The following HIP1 variants were observed in gnomAD, a reference collection of about 807,000 sequenced individuals.
HIP1 encodes the protein huntingtin-interacting protein 1.
In HIP1, 65 loss-of-function variants were observed where a neutral mutation model predicts 147.6. That is an observed-to-expected ratio of 0.44 (90% confidence interval 0.36 to 0.54). The LOEUF (loss-of-function observed/expected upper bound fraction) is 0.54. Ranked by LOEUF, HIP1 falls within the 20% of genes least tolerant of loss-of-function variation. The pLI is 0.00. For synonymous variants in HIP1, 479 were observed against 504.0 expected (o/e 0.95, Z 0.67); for missense variants, 1,061 against 1,299.6 (o/e 0.82, Z 2.82).
intron 1 of HIP1, among the ~76,000 whole-genome samples, chr7:75,708,666 T>C (rs1801074007): frequency 6.6e-6 from 1 of 152,156 alleles, no homozygotes; most frequent in Admixed American, 6.6e-5. Flanking sequence ...TAATCATATA[T>C]TGAGGAGAGT....
chr7:75,592,334 C>A, intron 3 of HIP1, 38 bp downstream of exon 3: 1 of 1,579,676 alleles, frequency 6.3e-7, no homozygotes, highest in East Asian at 2.2e-5. Flanking sequence ...CCACAAGGAT[C>A]CCTGGCTCCC....
intron 1 of HIP1, 142 bp from the exon 2 acceptor site, chr7:75,599,389 G>A: frequency 1.5e-6 from 1 of 659,608 alleles, no homozygotes; most frequent in East Asian, 2.7e-5. Flanking sequence ...TCCTCTGCAG[G>A]CGCCCAGCTG....
At chr7:75,727,083 C>T (rs924156571) in intron 1 of HIP1, among the ~76,000 whole-genome samples, 1 of 151,912 alleles carries the variant, frequency 6.6e-6, no homozygotes, top group African/African-American at 2.4e-5. Flanking sequence ...TAAGTATCTC[C>T]TGCTTATTTT....
intron 16 of HIP1, 115 bp from the exon 17 acceptor site, chr7:75,556,926 A>C (rs587666159): frequency 3.1e-6 from 2 of 642,542 alleles, no homozygotes; most frequent in East Asian, 5.4e-5. Flanking sequence ...ACTGTATGTA[A>C]GTTACACCCC....
Position 75,534,070 on chromosome 7 carries a change from C to T in HIP1, c.*4102G>A. On this transcript the variant is annotated 3_prime_UTR_variant, in exon 31 of 31. Transcript: ENST00000336926. The stretch of plus-strand genomic sequence containing the variant: ...AGGGTCAAATGGAGCCAGGAGACCC[C>T]TCTAGACTAAGGAGCTAAGAGGGAA... 1 of 231,872 alleles carries T rather than the reference C, an allele frequency of 4.3e-6. No homozygotes were observed. The highest frequency in any genetic ancestry group is 5.6e-5 in the Admixed American group (1 of 17,760). The allele number at this position is 231,872 out of a possible 1,614,324, so 14.4% of individuals were successfully genotyped here. A position where few individuals can be genotyped will look rare whatever the true frequency, so the allele number is the denominator to read the frequency against.
chr7:75,668,381 A>G (rs1227858013), intron 1 of HIP1, among the ~76,000 whole-genome samples: 2 of 152,028 alleles, frequency 1.3e-5, no homozygotes, highest in Admixed American at 6.6e-5. Flanking sequence ...CTGGAGTGCA[A>G]TGGTGCCATC....
rs111797133 is a variant in HIP1, at chr7:75,727,032, C to G, written c.120+11769G>C. On this transcript the variant is annotated intron_variant, in intron 1 of 30. Coordinates refer to ENST00000336926, the MANE Select transcript of HIP1 (RefSeq NM_005338.7). ...CCTGATTGCTAATGAAGCTGCACAC[C>G]ATTTCATAAGTTTATTGGCCATTTG... Among the ~76,000 whole-genome samples, 544 of 151,980 alleles carry G rather than the reference C, an allele frequency of 3.6e-3. 4 individuals are homozygous for G. Among genetic ancestry groups the G allele is most frequent in the African/African-American group, 0.012 (502 of 41,468 alleles).
chr7:75,576,654 A>G (rs1795855799), intron 7 of HIP1, among the ~76,000 whole-genome samples: 1 of 152,104 alleles, frequency 6.6e-6, no homozygotes, highest in Admixed American at 6.6e-5. Flanking sequence ...GGCTGCAGTG[A>G]GCCAAGATCC....
intron 1 of HIP1, among the ~76,000 whole-genome samples, chr7:75,599,707 C>T (rs964367537): frequency 1.3e-5 from 2 of 152,118 alleles, no homozygotes; most frequent in Admixed American, 6.5e-5. Context: ...CCAGCACCGG[C>T]GGTGGTCACT....
chr7:75,640,170 T>C (rs1262273425), intron 1 of HIP1, among the ~76,000 whole-genome samples: 4 of 152,214 alleles, frequency 2.6e-5, no homozygotes, highest in Admixed American at 6.5e-5. Context: ...CATTCAAGCC[T>C]ATAGTTTCAA....
chr7:75,655,922 C>T (rs1361795926), intron 1 of HIP1, among the ~76,000 whole-genome samples: 3 of 152,070 alleles, frequency 2.0e-5, no homozygotes, highest in Non-Finnish European at 4.4e-5. Flanking sequence ...GAGTTTGAGC[C>T]TGGCCAACTT....
At chr7:75,581,521 G>T (rs1198102707) in intron 6 of HIP1, among the ~76,000 whole-genome samples, 1 of 152,236 alleles carries the variant, frequency 6.6e-6, no homozygotes, top group African/African-American at 2.4e-5. Context: ...GCTCACGCCT[G>T]TAATCCCAGC....
At position 75,556,697 on chromosome 7, in the gene HIP1, A is replaced by T; in HGVS notation, c.1683+13T>A. The T allele has an allele frequency of 2.6e-6, 4 of 1,514,990 alleles. No individual in the cohort carries two copies. The highest frequency in any genetic ancestry group is 1.8e-5 in the Admixed American group (1 of 56,404). The allele number at this position is 1,514,990 out of a possible 1,614,324, so 93.8% of individuals were successfully genotyped here. A position where few individuals can be genotyped will look rare whatever the true frequency, so the allele number is the denominator to read the frequency against. On this transcript the variant is annotated intron_variant, in intron 17 of 30. Transcript: ENST00000336926. Reference sequence around the variant, plus strand: ...GAAGACTCTATCTCCAAAAAAAAAAAGGAGGTATTTACCTGGGCAGAAGTT... The same window carrying T: ...GAAGACTCTATCTCCAAAAAAAAAATGGAGGTATTTACCTGGGCAGAAGTT...
intron 1 of HIP1, among the ~76,000 whole-genome samples, chr7:75,613,837 A>G (rs1797531378): frequency 1.3e-5 from 2 of 151,512 alleles, no homozygotes; most frequent in Admixed American, 1.3e-4. Flanking sequence ...GCAATCTCCC[A>G]TCTCAGCCTC....
chr7:75,690,472 G>A (rs1186404053), intron 1 of HIP1, among the ~76,000 whole-genome samples: 2 of 152,202 alleles, frequency 1.3e-5, no homozygotes, highest in Admixed American at 1.3e-4. Flanking sequence ...AATAACAGGT[G>A]TTGGCAAGAA....
chr7:75,694,959 T>C (rs2117308624), intron 1 of HIP1, among the ~76,000 whole-genome samples: 1 of 152,314 alleles, frequency 6.6e-6, no homozygotes, highest in Non-Finnish European at 1.5e-5. Flanking sequence ...TATGAGGCAC[T>C]GTCCTCTTGA....
At chr7:75,734,233 G>T (rs746097619) in intron 1 of HIP1, among the ~76,000 whole-genome samples, 40 of 150,946 alleles carry the variant, frequency 2.6e-4, no homozygotes, top group Non-Finnish European at 5.6e-4. Context: ...GCAACAGAGT[G>T]AGACTCTGTC....
At chr7:75,592,593 G>A (rs1796537941) in intron 2 of HIP1, 79 bp from the exon 3 acceptor site, 2 of 1,467,196 alleles carry the variant, frequency 1.4e-6, no homozygotes, top group Non-Finnish European at 1.8e-6. Flanking sequence ...AGCCACTGCA[G>A]GGGACTGAGC....
chr7:75,653,477 A>AC (rs1426185121), intron 1 of HIP1, among the ~76,000 whole-genome samples: 9 of 151,606 alleles, frequency 5.9e-5, no homozygotes, highest in African/African-American at 1.9e-4. Flanking sequence ...ACATAGTGAG[A>AC]CCCCCATCTC....
Sources: allele counts gnomAD v4.1 joint callset (sites outside exome capture counted in the v4.1 genomes callset), GRCh38; gene constraint gnomAD v4.1.1; transcripts MANE v1.5; gene names NCBI Gene and HGNC (gene_info 2026-07-23, HGNC 2026-07-21).